Variants in ADCY9 observed in about 807,000 individuals in gnomAD.
The protein encoded by ADCY9 is adenylate cyclase type 9.
Under a neutral mutation model 101.5 loss-of-function variants are expected in ADCY9, and 50 were observed. The observed-to-expected ratio is 0.49, with a 90% CI of 0.39 to 0.62. The LOEUF is 0.62. Among genes scored for constraint, ADCY9 ranks in the 20% least tolerant of loss-of-function variants. The pLI, the probability that ADCY9 is intolerant of heterozygous loss-of-function variation, is 0.00. For missense variants in ADCY9, 1,662 were observed against 1,800.4 expected (o/e 0.92, Z 1.39); for synonymous variants, 905 against 769.3 (o/e 1.18, Z -2.92).
chr16:4,023,079 A>G (rs2056488957), intron 2 of ADCY9, among the ~76,000 whole-genome samples: 1 of 152,234 alleles, frequency 6.6e-6, no homozygotes, highest in Non-Finnish European at 1.5e-5. Context: ...GGAAGGGCAG[A>G]ACAAAGTACT....
At chr16:4,111,853 T>TA (rs2057115889) in intron 2 of ADCY9, among the ~76,000 whole-genome samples, 2 of 149,876 alleles carry the variant, frequency 1.3e-5, no homozygotes, top group Admixed American at 6.6e-5. Flanking sequence ...CTCTAGCATT[T>TA]TTTTTTTTTG....
chr16:3,969,408 A>AT (rs1355189171), intron 10 of ADCY9, among the ~76,000 whole-genome samples: 30 of 138,958 alleles, frequency 2.2e-4, no homozygotes, highest in East Asian at 4.3e-4. Context: ...TAATTTTTGT[A>AT]TTTTTTTTTT....
At chr16:4,056,993 A>G (rs1459732094) in intron 2 of ADCY9, among the ~76,000 whole-genome samples, 1 of 147,776 alleles carries the variant, frequency 6.8e-6, no homozygotes, top group Non-Finnish European at 1.5e-5. Context: ...AGCAGAGGTC[A>G]GACCAACAAC....
intron 6 of ADCY9, among the ~76,000 whole-genome samples, chr16:3,988,668 G>A (rs1488700393): frequency 7.3e-6 from 1 of 136,666 alleles, no homozygotes; most frequent in African/African-American, 2.7e-5. Flanking sequence ...TTCCTTCCAG[G>A]GCAGGTTGGG....
intron 9 of ADCY9, among the ~76,000 whole-genome samples, chr16:3,977,036 C>T (rs1471362422): frequency 6.6e-6 from 1 of 152,196 alleles, no homozygotes; most frequent in Non-Finnish European, 1.5e-5. Context: ...CAGGCTGTGA[C>T]CTGTCCCGGT....
intron 2 of ADCY9, among the ~76,000 whole-genome samples, chr16:4,087,333 G>A (rs1028584045): frequency 1.3e-5 from 2 of 151,714 alleles, no homozygotes; most frequent in African/African-American, 4.8e-5. Context: ...CCAGGAGTTC[G>A]AGACCAGCCT....
At chr16:3,974,793 CTA>C in intron 9 of ADCY9, 83 bp from the exon 10 acceptor site, 1 of 1,148,678 alleles carries the variant, frequency 8.7e-7, no homozygotes, top group Non-Finnish European at 1.3e-6. Context: ...CTTGAACAAA[CTA>C]TGTTCCTTTT....
At chr16:3,998,946 C>G (rs951436340) in intron 3 of ADCY9, among the ~76,000 whole-genome samples, 1 of 151,890 alleles carries the variant, frequency 6.6e-6, no homozygotes, top group African/African-American at 2.4e-5. Flanking sequence ...CCTCCTACCC[C>G]CCAACCCCCA....
intron 2 of ADCY9, among the ~76,000 whole-genome samples, chr16:4,047,563 G>A (rs1007638154): frequency 6.6e-6 from 1 of 151,910 alleles, no homozygotes. Flanking sequence ...GCTGTTAGAC[G>A]CACACTGGTA....
chr16:4,104,994 A>C (rs1336669131), intron 2 of ADCY9, among the ~76,000 whole-genome samples: 1 of 151,776 alleles, frequency 6.6e-6, no homozygotes, highest in Admixed American at 6.6e-5. Context: ...GCTTGAACCC[A>C]GGAGGCAGAG....
intron 9 of ADCY9, 98 bp from the exon 10 acceptor site, chr16:3,974,808 A>C: frequency 2.0e-6 from 2 of 1,005,558 alleles, no homozygotes; most frequent in East Asian, 2.4e-5. Flanking sequence ...TTCCTTTTTT[A>C]GACGTGGTTG....
intron 10 of ADCY9, among the ~76,000 whole-genome samples, chr16:3,969,606 A>ATATATATATATATG (rs2056032698): frequency 1.5e-5 from 1 of 67,860 alleles, no homozygotes; most frequent in Admixed American, 1.6e-4. Context: ...ATATATATAT[A>ATATATATATATATG]TATGTATTTT....
intron 2 of ADCY9, among the ~76,000 whole-genome samples, chr16:4,084,774 A>T (rs2141182925): frequency 6.6e-6 from 1 of 152,130 alleles, no homozygotes; most frequent in East Asian, 1.9e-4. Flanking sequence ...AATCAGTGGC[A>T]ATCTCTGTGT....
At chr16:4,080,562 C>A (rs991400579) in intron 2 of ADCY9, among the ~76,000 whole-genome samples, 1 of 151,964 alleles carries the variant, frequency 6.6e-6, no homozygotes, top group African/African-American at 2.4e-5. Flanking sequence ...CCCAGCCCAA[C>A]GGAAGAAATT....
chr16:3,983,337 C>T lies in ADCY9; in HGVS notation c.2414G>A (p.Cys805Tyr), dbSNP rs2056161886. The T allele has an allele frequency of 6.3e-7, 1 of 1,590,926 alleles. No homozygotes were observed. Among genetic ancestry groups the T allele is most frequent in the Non-Finnish European group, 8.6e-7 (1 of 1,168,780 alleles). Residue 805 changes from cysteine to tyrosine, a missense_variant, in exon 7 of 11, where the codon TGC becomes TAC. Cys to Tyr is a radical substitution (Grantham distance 194, BLOSUM62 -2). Coordinates refer to ENST00000294016, the MANE Select transcript of ADCY9 (RefSeq NM_001116.4). Reference protein sequence around the residue: ...TTVFLTLSTTCFLKYEAATVP... With the variant: ...TTVFLTLSTTYFLKYEAATVP... ...GGTGGCCGCCTCGTACTTCAGGAAG[C>T]AGGTGGTGGACAGCGTCAGAAACAC...
intron 2 of ADCY9, among the ~76,000 whole-genome samples, chr16:4,056,429 T>C (rs1474140157): frequency 6.6e-6 from 1 of 152,218 alleles, no homozygotes; most frequent in East Asian, 1.9e-4. Context: ...AATTTTTGTA[T>C]TTTTAGTAGA....
chr16:4,021,110 T>C (rs767946891), intron 2 of ADCY9, among the ~76,000 whole-genome samples: 64 of 152,166 alleles, frequency 4.2e-4, no homozygotes, highest in Non-Finnish European at 8.7e-4. Flanking sequence ...TTTTACTATG[T>C]GAGTTTAAAA....
intron 2 of ADCY9, among the ~76,000 whole-genome samples, chr16:4,032,620 G>A (rs892221366): frequency 5.3e-5 from 8 of 150,396 alleles, no homozygotes; most frequent in Admixed American, 6.6e-5. Flanking sequence ...AGAGATTCTC[G>A]TGCCTCAGCC....
chr16:4,083,571 C>T (rs1355293211), intron 2 of ADCY9, among the ~76,000 whole-genome samples: 1 of 152,198 alleles, frequency 6.6e-6, no homozygotes, highest in Non-Finnish European at 1.5e-5. Context: ...TTCATAGAAA[C>T]ACTATTCATC....
Sources: allele counts gnomAD v4.1 joint callset (sites outside exome capture counted in the v4.1 genomes callset), GRCh38; gene constraint gnomAD v4.1.1; transcripts MANE v1.5; gene names NCBI Gene and HGNC (gene_info 2026-07-23, HGNC 2026-07-21).